MMP25: variants seen among roughly 807,000 people sequenced by gnomAD.
MMP25 encodes matrix metalloproteinase-25.
MMP25 carries 68 observed loss-of-function variants against 62.1 expected under a neutral mutation model. That is an observed-to-expected ratio of 1.10 (90% confidence interval 0.90 to 1.34). The LOEUF (loss-of-function observed/expected upper bound fraction) is 1.34. MMP25 is among the 40% of genes most tolerant of loss of function. MMP25 has a pLI of 0.00. For synonymous variants in MMP25, 407 were observed against 345.6 expected, an observed-to-expected ratio of 1.18 and a Z score of -1.97; for missense variants, 942 against 792.5, an observed-to-expected ratio of 1.19 and a Z score of -2.26.
At chr16:3,055,447 A>G (rs912797529) in intron 4 of MMP25, among the ~76,000 whole-genome samples, 3 of 152,212 alleles carry the variant, frequency 2.0e-5, no homozygotes, top group African/African-American at 7.2e-5. Flanking sequence ...GAAATTCGTC[A>G]GTGCGGATGT....
intron 7 of MMP25, 196 bp downstream of exon 7, chr16:3,057,809 C>T: frequency 1.6e-6 from 1 of 612,836 alleles, no homozygotes; most frequent in Non-Finnish European, 2.9e-6. Context: ...AGCGATCCTC[C>T]CACCTCAGCC....
At chr16:3,053,172 T>A (rs1955932340) in intron 4 of MMP25, 1 of 152,788 alleles carries the variant, frequency 6.5e-6, no homozygotes, top group African/African-American at 2.4e-5. Context: ...GCCTCAACAT[T>A]CACATATGGG....
chr16:3,056,980 G>A, intron 4 of MMP25, 53 bp from the exon 5 acceptor site: 1 of 1,514,644 alleles, frequency 6.6e-7, no homozygotes, highest in Admixed American at 2.1e-5. Flanking sequence ...CCTTCCTGTG[G>A]CCCCTTTCCC....
chr16:3,047,835 A>AG (rs1220975546), intron 2 of MMP25, among the ~76,000 whole-genome samples: 3 of 131,646 alleles, frequency 2.3e-5, no homozygotes, highest in African/African-American at 8.4e-5. Flanking sequence ...CCACTCTCCA[A>AG]GGATTTTTTT....
chr16:3,051,001 G>A (rs977570832), intron 4 of MMP25: 1 of 152,774 alleles, frequency 6.5e-6, no homozygotes, highest in Non-Finnish European at 1.5e-5. Context: ...ATGTCACCAG[G>A]GCTGGTCTTG....
intron 1 of MMP25, 73 bp downstream of exon 1, chr16:3,047,089 G>A (rs977853499): frequency 1.2e-5 from 16 of 1,347,990 alleles, no homozygotes; most frequent in Non-Finnish European, 1.5e-5. Flanking sequence ...CGGACTCCTG[G>A]GTCCGGAGGA....
At chr16:3,053,600 A>C (rs928120225) in intron 4 of MMP25, 2 of 152,246 alleles carry the variant, frequency 1.3e-5, no homozygotes, top group African/African-American at 4.8e-5. Flanking sequence ...GAGAGCCAGC[A>C]GTCCACGGGG....
At chr16:3,047,821 C>G (rs934531020) in intron 2 of MMP25, among the ~76,000 whole-genome samples, 1 of 150,422 alleles carries the variant, frequency 6.6e-6, no homozygotes, top group Admixed American at 6.7e-5. Flanking sequence ...AAAGTGAGAC[C>G]CCCCCACTCT....
intron 8 of MMP25, 39 bp from the exon 9 acceptor site, chr16:3,058,373 G>A (rs746699843): frequency 2.0e-6 from 3 of 1,496,250 alleles, no homozygotes; most frequent in African/African-American, 1.5e-5. Flanking sequence ...GGGCCGGCGC[G>A]GGGAGCCCAC....
intron 4 of MMP25, among the ~76,000 whole-genome samples, chr16:3,050,945 C>A (rs1955893954): frequency 6.6e-6 from 1 of 152,090 alleles, no homozygotes; most frequent in African/African-American, 2.4e-5. Flanking sequence ...TGTGCACCAC[C>A]ACACCTGGCT....
chr16:3,058,757 G>A (rs1306010923), intron 9 of MMP25, 70 bp from the exon 10 acceptor site: 26 of 1,484,790 alleles, frequency 1.8e-5, no homozygotes, highest in Non-Finnish European at 2.3e-5. Context: ...ACCCTGCGGG[G>A]ATGGGGGTCC....
chr16:3,059,367 GCGT>G lies in MMP25; in HGVS notation c.*272_*274del. Reference sequence around the variant, plus strand: ...AGGGGCGCACGCGCGCTGGGACCATGCGTCGGTCGTCGCCCCCGTCGTTCCCTC... The same window carrying G: ...AGGGGCGCACGCGCGCTGGGACCATGCGGTCGTCGCCCCCGTCGTTCCCTC... On this transcript the variant is annotated 3_prime_UTR_variant, in exon 10 of 10. Coordinates refer to ENST00000336577, the MANE Select transcript of MMP25 (RefSeq NM_022468.5). 2.8e-6 allele frequency: 1 copy of G among 355,610 alleles called. No homozygotes were observed. Among genetic ancestry groups the G allele is most frequent in the East Asian group, 4.2e-5 (1 of 23,850 alleles). The allele number at this position is 355,610 out of a possible 1,614,324, so 22.0% of individuals were successfully genotyped here. A position where few individuals can be genotyped will look rare whatever the true frequency, so the allele number is the denominator to read the frequency against.
intron 3 of MMP25, 40 bp from the exon 4 acceptor site, chr16:3,050,214 C>T: frequency 1.3e-6 from 2 of 1,573,998 alleles, no homozygotes; most frequent in East Asian, 4.5e-5. Flanking sequence ...CTGCCTGCTC[C>T]CTCCACGGCC....
chr16:3,049,931 A>C, intron 2 of MMP25, 78 bp from the exon 3 acceptor site: 2 of 1,587,858 alleles, frequency 1.3e-6, no homozygotes, highest in South Asian at 2.2e-5. Context: ...TTTCCCATGT[A>C]GAAAGTTGAC....
rs1596220347 is a variant in MMP25 at position 3,056,794 on chromosome 16, T to G, written c.662-239T>G. ...ATCGGTGTGTAAGGTGGCCTATTCC[T>G]CTGTGTGTTCTCTGGATCTTTTCAG... On this transcript the variant is annotated intron_variant, in intron 4 of 9. Coordinates refer to ENST00000336577, the MANE Select transcript of MMP25 (RefSeq NM_022468.5). 10 of 474,498 alleles carry G rather than the reference T, an allele frequency of 2.1e-5. No homozygotes were observed. The East Asian group carries it at 2.5e-4, about 12-fold the overall frequency. 29.4% of individuals were successfully genotyped at this position (474,498 alleles called of 1,614,324 possible).
Position 3,058,431 on chromosome 16 carries a change from C to G in MMP25, c.1179C>G (p.Phe393Leu), listed in dbSNP as rs375829279. 5.1e-6 allele frequency: 8 copies of G among 1,577,126 alleles called. No homozygotes were observed. In the African/African-American group the frequency reaches 8.1e-5, roughly 16 times the overall value. ...LLFSGPQFWVFQDRQLEGGAR... is the reference protein window; with the variant it reads ...LLFSGPQFWVLQDRQLEGGAR... ...CTGCAGGGCCCCAGTTCTGGGTGTT[C>G]CAGGACCGGCAGCTGGAGGGCGGGG... Residue 393 changes from phenylalanine to leucine, a missense_variant, in exon 9 of 10, where the codon TTC (phenylalanine) becomes TTG (leucine). Phe to Leu is a conservative substitution (Grantham distance 22). Coordinates refer to ENST00000336577, the MANE Select transcript of MMP25 (RefSeq NM_022468.5).
intron 2 of MMP25, among the ~76,000 whole-genome samples, chr16:3,049,641 T>A (rs1035961273): frequency 6.6e-6 from 1 of 152,146 alleles, no homozygotes; most frequent in African/African-American, 2.4e-5. Context: ...CCTGCACAGC[T>A]CCCAGGGGGT....
At chr16:3,053,450 G>T (rs1446675872) in intron 4 of MMP25, 4 of 152,374 alleles carry the variant, frequency 2.6e-5, no homozygotes, top group Non-Finnish European at 4.4e-5. Context: ...CCTGAGAAAT[G>T]CGAGGAGAAC....
Position 3,057,134 on chromosome 16 carries a change from T to C in MMP25, c.763T>C (p.Tyr255His), listed in dbSNP as rs1956024610. The C allele has an allele frequency of 4.3e-6, 7 of 1,613,374 alleles. No individual in the cohort carries two copies. The East Asian group carries it at 1.6e-4, about 36-fold the overall frequency. ...SAPNSIMRPF[Y>H]QGPVGDPDKY... ...CCCCAACTCCATTATGAGGCCCTTC[T>C]ACCAGGGTCCGGTGGGCGACCCTGA... Residue 255 changes from tyrosine (Y) to histidine (H), a missense_variant, in exon 5 of 10, where the codon TAC (tyrosine) becomes CAC (histidine). By Grantham distance (83) the Tyr-to-His change is moderately conservative. Transcript: ENST00000336577.
Sources: allele counts gnomAD v4.1 joint callset (sites outside exome capture counted in the v4.1 genomes callset), GRCh38; gene constraint gnomAD v4.1.1; transcripts MANE v1.5; gene names NCBI Gene and HGNC (gene_info 2026-07-23, HGNC 2026-07-21).